Variants in SOX6 observed in about 807,000 individuals in gnomAD.
SOX6 encodes SRY-box transcription factor 6.
Under a neutral mutation model 97.8 loss-of-function variants are expected in SOX6, and 11 were observed. The ratio of observed to expected loss-of-function variants is 0.11; its 90% CI spans 0.07 to 0.19. SOX6 has a LOEUF of 0.19. Among genes scored for constraint, SOX6 ranks in the 10% least tolerant of loss-of-function variants. SOX6 has a pLI of 1.00. For missense variants in SOX6, 810 were observed against 1,039.5 expected (o/e 0.78, Z 3.04); for synonymous variants, 360 against 371.4 (o/e 0.97, Z 0.35).
At chr11:16,507,545 C>T (rs1860810986) in intron 4 of SOX6, among the ~76,000 whole-genome samples, 1 of 152,118 alleles carries the variant, frequency 6.6e-6, no homozygotes, top group African/African-American at 2.4e-5. Flanking sequence ...AACAGAACAA[C>T]ATGGTATTGA....
intron 2 of SOX6, among the ~76,000 whole-genome samples, chr11:16,729,808 C>T (rs1848335033): frequency 6.6e-6 from 1 of 151,938 alleles, no homozygotes; most frequent in Admixed American, 6.6e-5. Flanking sequence ...CAATACCCAC[C>T]TGTATTCAGG....
At chr11:16,317,894 A>G (rs1269276698) in intron 3 of SOX6, 6 of 435,760 alleles carry the variant, frequency 1.4e-5, no homozygotes, top group Admixed American at 5.0e-5. Flanking sequence ...GAACTCTTGT[A>G]CAGAGTAGAG....
chr11:16,554,320 A>G (rs150544595), intron 4 of SOX6, among the ~76,000 whole-genome samples: 2 of 152,272 alleles, frequency 1.3e-5, no homozygotes, highest in Admixed American at 1.3e-4. Context: ...TGCATCAGCC[A>G]AAACAATCAC....
intron 2 of SOX6, among the ~76,000 whole-genome samples, chr11:16,733,110 C>T (rs541819290): frequency 3.9e-5 from 6 of 152,284 alleles, no homozygotes; most frequent in South Asian, 2.1e-4. Flanking sequence ...GAAATAGGAA[C>T]GCTTTTACAC....
In SOX6 at chr11:16,049,762, G is replaced by T; in HGVS notation, c.1428C>A (p.Ser476=). The T allele has an allele frequency of 1.2e-6, 2 of 1,613,402 alleles. No individual in the cohort carries two copies. The highest frequency in any genetic ancestry group is 1.7e-6 in the Non-Finnish European group (2 of 1,179,766). ...GTTGACTTTTCCATTTACCTAAAGAGGATCCTCTTCCCAGGCTTCCTCCAA... is the reference window on the plus strand; with the variant it reads ...GTTGACTTTTCCATTTACCTAAAGATGATCCTCTTCCCAGGCTTCCTCCAA... ...SPIGGSLGRG[S]SLDILSSLNS... is the part of the protein sequence containing the mutation. The change falls in exon 11 of 16, where the codon TCC becomes TCA. Residue 476 remains serine (S), a synonymous_variant. Coordinates refer to ENST00000683767, the MANE Select transcript of SOX6 (RefSeq NM_001367873.1).
chr11:16,389,687 G>A (rs143491150), intron 1 of SOX6, among the ~76,000 whole-genome samples: 2 of 151,986 alleles, frequency 1.3e-5, no homozygotes, highest in African/African-American at 4.8e-5. Context: ...AGAAGCTTAC[G>A]GCCGGGTGCG....
intron 2 of SOX6, among the ~76,000 whole-genome samples, chr11:16,721,859 C>T (rs1375998179): frequency 1.3e-5 from 2 of 151,538 alleles, no homozygotes; most frequent in Non-Finnish European, 2.9e-5. Flanking sequence ...ACAAATGGAA[C>T]AGAATAGAGC....
chr11:16,430,994 G>C (rs1371800467), intron 1 of SOX6, among the ~76,000 whole-genome samples: 1 of 152,042 alleles, frequency 6.6e-6, no homozygotes, highest in African/African-American at 2.4e-5. Flanking sequence ...CAGCTATTGT[G>C]GCCTCCTTAC....
At chr11:16,306,774 T>A (rs1187379453) in intron 3 of SOX6, among the ~76,000 whole-genome samples, 6 of 151,908 alleles carry the variant, frequency 3.9e-5, no homozygotes, top group Non-Finnish European at 4.4e-5. Flanking sequence ...TACAGGTACA[T>A]GCCACCATGC....
At chr11:16,139,680 A>G (rs1274339734) in intron 6 of SOX6, among the ~76,000 whole-genome samples, 1 of 151,688 alleles carries the variant, frequency 6.6e-6, no homozygotes, top group Non-Finnish European at 1.5e-5. Context: ...CAGTTTTTAG[A>G]AGCCAAGATC....
intron 13 of SOX6, among the ~76,000 whole-genome samples, chr11:15,994,007 A>T (rs573326803): frequency 6.6e-6 from 1 of 152,274 alleles, no homozygotes; most frequent in African/African-American, 2.4e-5. Context: ...GCCTAGTAAT[A>T]ATTTATTTAT....
At chr11:16,021,503 A>G (rs1855058611) in intron 12 of SOX6, among the ~76,000 whole-genome samples, 1 of 152,178 alleles carries the variant, frequency 6.6e-6, no homozygotes, top group Non-Finnish European at 1.5e-5. Flanking sequence ...CTGGAAAGCA[A>G]CCACATGTAC....
At chr11:16,520,824 A>C (rs780742622) in intron 4 of SOX6, among the ~76,000 whole-genome samples, 1 of 152,212 alleles carries the variant, frequency 6.6e-6, no homozygotes, top group Non-Finnish European at 1.5e-5. Flanking sequence ...CCAGGAGATT[A>C]TATCCAGCAC....
chr11:16,231,779 T>C (rs1852858667), intron 4 of SOX6, among the ~76,000 whole-genome samples: 1 of 151,788 alleles, frequency 6.6e-6, no homozygotes, highest in Non-Finnish European at 1.5e-5. Flanking sequence ...AAACCTCATT[T>C]TATGCAATAC....
chr11:16,156,390 A>C (rs1850597837), intron 6 of SOX6, among the ~76,000 whole-genome samples: 1 of 150,772 alleles, frequency 6.6e-6, no homozygotes, highest in African/African-American at 2.4e-5. Context: ...TCTGCTCTCT[A>C]CCCTCTTCTC....
intron 1 of SOX6, among the ~76,000 whole-genome samples, chr11:16,467,543 C>T (rs1355112084): frequency 2.6e-5 from 4 of 152,180 alleles, no homozygotes; most frequent in Non-Finnish European, 4.4e-5. Flanking sequence ...AAACAGAAAA[C>T]CAAATACCAC....
At chr11:16,035,978 T>C (rs1855507613) in intron 12 of SOX6, among the ~76,000 whole-genome samples, 1 of 151,910 alleles carries the variant, frequency 6.6e-6, no homozygotes, top group African/African-American at 2.4e-5. Flanking sequence ...TAACACCCTG[T>C]GGCTGGATTT....
chr11:16,190,813 T>G (rs1851611958), intron 4 of SOX6, among the ~76,000 whole-genome samples: 1 of 152,110 alleles, frequency 6.6e-6, no homozygotes, highest in African/African-American at 2.4e-5. Flanking sequence ...GGGGATGCAT[T>G]TTTCTGTTCT....
intron 4 of SOX6, among the ~76,000 whole-genome samples, chr11:16,569,665 G>A (rs1472716100): frequency 2.0e-5 from 3 of 151,764 alleles, no homozygotes; most frequent in East Asian, 1.9e-4. Context: ...TCAGAAGTTC[G>A]AGACCATCCT....
Sources: allele counts gnomAD v4.1 joint callset (sites outside exome capture counted in the v4.1 genomes callset), GRCh38; gene constraint gnomAD v4.1.1; transcripts MANE v1.5; gene names NCBI Gene and HGNC (gene_info 2026-07-23, HGNC 2026-07-21).